The following PLD4 variants were observed in gnomAD, a reference collection of about 807,000 sequenced individuals.
PLD4 encodes the protein phospholipase D family member 4.
PLD4 carries 54 observed loss-of-function variants against 52.3 expected under a neutral mutation model. The observed-to-expected ratio is 1.03, with a 90% CI of 0.83 to 1.30. The LOEUF (loss-of-function observed/expected upper bound fraction) is 1.30. Ranked by LOEUF, PLD4 falls within the 50% of genes most tolerant of loss-of-function variation. PLD4 has a pLI of 0.00. For missense variants in PLD4, 731 were observed against 671.1 expected (o/e 1.09, Z -0.99); for synonymous variants, 264 against 286.5 (o/e 0.92, Z 0.79).
At chr14:104,927,631 C>T in intron 2 of PLD4, 42 bp from the exon 3 acceptor site, 4 of 1,503,824 alleles carry the variant, frequency 2.7e-6, no homozygotes, top group Non-Finnish European at 3.6e-6. Context: ...AGAAGTCAAG[C>T]CCCGCCCTGT....
downstream of PLD4, chr14:104,936,350 A>T (rs917772122): frequency 6.6e-6 from 1 of 152,074 alleles, no homozygotes; most frequent in Non-Finnish European, 1.5e-5. Flanking sequence ...GTGTCCACCA[A>T]ATTTCCCTTC....
At chr14:104,930,697 A>C (rs750786730) in intron 6 of PLD4, 45 bp from the exon 7 acceptor site, 3 of 1,604,364 alleles carry the variant, frequency 1.9e-6, no homozygotes, top group Non-Finnish European at 2.6e-6. Flanking sequence ...TGGAGGCCCC[A>C]CAGAGGGGTT....
chr14:104,929,489 G>A, intron 5 of PLD4, 62 bp downstream of exon 5: 1 of 1,485,396 alleles, frequency 6.7e-7, no homozygotes, highest in Non-Finnish European at 9.0e-7. Flanking sequence ...TGTCTGGCTG[G>A]CACCACAGGA....
At chr14:104,929,157 G>A (rs2140799305) in intron 4 of PLD4, 150 bp from the exon 5 acceptor site, 4 of 1,315,472 alleles carry the variant, frequency 3.0e-6, no homozygotes, top group Middle Eastern at 2.4e-4. Flanking sequence ...GGTGCAGTTT[G>A]GCTCTCACCA....
Position 104,928,765 on chromosome 14 carries a change from A to G in PLD4, c.301A>G (p.Ser101Gly). 6.3e-7 allele frequency: 1 copy of G among 1,590,812 alleles called. No homozygotes were observed. Among genetic ancestry groups the G allele is most frequent in the East Asian group, 2.3e-5 (1 of 44,310 alleles). ...RDSCQLVLVESIPQDLPSAAG... is the reference protein window; with the variant it reads ...RDSCQLVLVEGIPQDLPSAAG... Reference sequence around the variant, plus strand: ...TCCCCACAGGCTTGTCCTTGTGGAAAGCATCCCCCAGGACCTGCCATCTGC... The same window carrying G: ...TCCCCACAGGCTTGTCCTTGTGGAAGGCATCCCCCAGGACCTGCCATCTGC... The change falls in exon 4 of 11, where the codon AGC (serine) becomes GGC (glycine). Residue 101 changes from serine (S) to glycine (G), a missense_variant. By Grantham distance (56) the Ser-to-Gly change is moderately conservative. Transcript: ENST00000392593.
At chr14:104,925,048 T>C (rs1045423797) in intron 1 of PLD4, 58 bp downstream of exon 1, 3 of 152,740 alleles carry the variant, frequency 2.0e-5, no homozygotes, top group Non-Finnish European at 4.4e-5. Flanking sequence ...AAAGGGCTGC[T>C]GTCTGCCTCC....
At chr14:104,935,758 A>G (rs1340306664), downstream of PLD4, 1 of 152,214 alleles carries the variant, frequency 6.6e-6, no homozygotes, top group Non-Finnish European at 1.5e-5. Flanking sequence ...GTAGCAGGGT[A>G]CTGGGGTTGC....
intron 6 of PLD4, 57 bp from the exon 7 acceptor site, chr14:104,930,685 G>C: frequency 6.3e-7 from 1 of 1,581,272 alleles, no homozygotes; most frequent in East Asian, 2.2e-5. Flanking sequence ...GGTGGAGTGG[G>C]GTGGAGGCCC....
chr14:104,932,329 T>A lies in PLD4; in HGVS notation c.1295T>A (p.Met432Lys). The change falls in exon 10 of 11, where the codon ATG (methionine) becomes AAG (lysine). Residue 432 changes from methionine to lysine, a missense_variant. Met to Lys is a moderately conservative substitution (Grantham distance 95, BLOSUM62 -1). Coordinates refer to ENST00000392593, the MANE Select transcript of PLD4 (RefSeq NM_138790.5). The surrounding 1 kb of genome is among the most constrained non-coding windows in gnomAD (Gnocchi z 6.5). ...AGCAGGGTGAACCACAGCAAGTTCA[T>A]GGTCACGGAGAAGGCAGCCTACATA... ...PFSRVNHSKF[M>K]VTEKAAYIGT... 1 of 1,612,646 alleles carries A rather than the reference T, an allele frequency of 6.2e-7. No homozygotes were observed. The highest frequency in any genetic ancestry group is 8.5e-7 in the Non-Finnish European group (1 of 1,179,836).
At chr14:104,927,305 G>C in intron 2 of PLD4, 75 bp downstream of exon 2, 1 of 1,298,612 alleles carries the variant, frequency 7.7e-7, no homozygotes, top group Non-Finnish European at 1.0e-6. Context: ...AGAGTGGAGA[G>C]GTCACAAGCA....
At chr14:104,928,017 G>A (rs1897517316) in intron 3 of PLD4, 151 bp downstream of exon 3, 6 of 898,336 alleles carry the variant, frequency 6.7e-6, no homozygotes, top group Non-Finnish European at 8.1e-6. Context: ...ACGACCATAT[G>A]AGCTGGAGTG....
intron 7 of PLD4, 81 bp downstream of exon 7, chr14:104,931,023 G>T: frequency 2.0e-6 from 3 of 1,489,464 alleles, no homozygotes; most frequent in Non-Finnish European, 2.8e-6. Context: ...CCTCTGGGCT[G>T]GCCCTGCAGA....
At position 104,933,110 on chromosome 14, in the gene PLD4, C is replaced by G; in HGVS notation, c.*146C>G. 2 of 878,484 alleles carry G rather than the reference C, an allele frequency of 2.3e-6. No homozygotes were observed. Among genetic ancestry groups the G allele is most frequent in the Non-Finnish European group, 3.3e-6 (2 of 610,866 alleles). The allele number at this position is 878,484 out of a possible 1,614,324, so 54.4% of individuals were successfully genotyped here. A position where few individuals can be genotyped will look rare whatever the true frequency, so the allele number is the denominator to read the frequency against. On this transcript the variant is annotated 3_prime_UTR_variant, in exon 11 of 11. Transcript: ENST00000392593. Reference sequence around the variant, plus strand: ...CTGCGACCGCCCGGGCGTCGCAAACCGCCCGCCTGCTCTCTGATTTCCGAG... The same window carrying G: ...CTGCGACCGCCCGGGCGTCGCAAACGGCCCGCCTGCTCTCTGATTTCCGAG...
chr14:104,932,792 TCAG>T lies in PLD4; in HGVS notation c.1355_1357del (p.Ser452del). The T allele has an allele frequency of 6.3e-7, 1 of 1,595,396 alleles. No individual in the cohort carries two copies. The highest frequency in any genetic ancestry group is 1.1e-5 in the South Asian group (1 of 88,988). On this transcript the variant is annotated inframe_deletion, in exon 11 of 11. Transcript: ENST00000392593. This position sits in a 1 kb window ranked among gnomAD's most constrained non-coding sequence, Gnocchi z 6.5. The stretch of plus-strand genomic sequence containing the variant: ...ACCTCCAACTGGTCGGAGGATTACT[TCAG>T]CAGCACGGCGGGGGTGGGCTTGGTG...
chr14:104,932,932 G>T lies in PLD4; in HGVS notation c.1489G>T (p.Ala497Ser), dbSNP rs572969155. Residue 497 changes from alanine to serine, a missense_variant, in exon 11 of 11, where the codon GCT becomes TCT. By Grantham distance (99) the Ala-to-Ser change is moderately conservative. Coordinates refer to ENST00000392593, the MANE Select transcript of PLD4 (RefSeq NM_138790.5). This position sits in a 1 kb window ranked among gnomAD's most constrained non-coding sequence, Gnocchi z 6.5. The part of the protein sequence containing the change: ...SRYAVGLDGQ[A>S]PGQDCVWQG ...CTACGCCGTCGGCCTGGACGGACAGGCTCCGGGCCAGGACTGCGTTTGGCA... is the reference window on the plus strand; with the variant it reads ...CTACGCCGTCGGCCTGGACGGACAGTCTCCGGGCCAGGACTGCGTTTGGCA... 2 of 1,598,982 alleles carry T rather than the reference G, an allele frequency of 1.3e-6. No individual in the cohort carries two copies. Among genetic ancestry groups the T allele is most frequent in the South Asian group, 1.1e-5 (1 of 88,994 alleles).
Position 104,930,849 on chromosome 14 carries a change from C to CA in PLD4, c.829dup (p.Thr277AsnfsTer21), listed in dbSNP as rs1459169071. The CA allele has an allele frequency of 1.2e-6, 2 of 1,613,626 alleles. No homozygotes were observed. The highest frequency in any genetic ancestry group is 2.2e-5 in the South Asian group (2 of 91,090). The stretch of plus-strand genomic sequence containing the variant: ...TGGGGGTGCCCAAGGCTGTCCTCCC[C>CA]AAAACCTGGCCTCAGAACTTCTCAT... On this transcript the variant is annotated frameshift_variant, in exon 7 of 11. Transcript: ENST00000392593. LOFTEE classifies it high-confidence loss of function.
chr14:104,932,677 C>A lies in PLD4; in HGVS notation c.1322-88C>A. On this transcript the variant is annotated intron_variant, in intron 10 of 10. Transcript: ENST00000392593. The surrounding 1 kb of genome is among the most constrained non-coding windows in gnomAD (Gnocchi z 6.5). ...GGAGGGGCCAGCTGCCAACCGTCCC[C>A]AAACCCGTAGCCGGGCCTGGCGCTG... The A allele has an allele frequency of 7.4e-7, 1 of 1,358,592 alleles. No individual in the cohort carries two copies. The allele number at this position is 1,358,592 out of a possible 1,614,324, so 84.2% of individuals were successfully genotyped here. A position where few individuals can be genotyped will look rare whatever the true frequency, so the allele number is the denominator to read the frequency against.
chr14:104,931,022 T>C, intron 7 of PLD4, 80 bp downstream of exon 7: 1 of 1,505,432 alleles, frequency 6.6e-7, no homozygotes, highest in Non-Finnish European at 9.2e-7. Context: ...CCCTCTGGGC[T>C]GGCCCTGCAG....
Position 104,932,713 on chromosome 14 carries a change from A to G in PLD4, c.1322-52A>G. ...CCGGGCCTGGCGCTGAGCGGGCTGC[A>G]GAGGGGCCTGTGGGAGCCGGCGCCC... On this transcript the variant is annotated intron_variant, in intron 10 of 10. Transcript: ENST00000392593. The surrounding 1 kb of genome is among the most constrained non-coding windows in gnomAD (Gnocchi z 6.5). 6.8e-7 allele frequency: 1 copy of G among 1,462,316 alleles called. No individual in the cohort carries two copies. Among genetic ancestry groups the G allele is most frequent in the Non-Finnish European group, 9.1e-7 (1 of 1,095,626 alleles). The allele number at this position is 1,462,316 out of a possible 1,614,324, so 90.6% of individuals were successfully genotyped here.
Sources: gnomAD v4.1 joint callset for allele counts on GRCh38, gnomAD v4.1.1 for gene constraint, Gnocchi (gnomAD v3.1) non-coding constraint, MANE v1.5 for transcripts, NCBI Gene and HGNC (gene_info 2026-07-23, HGNC 2026-07-21) for gene names.